The following TTC23L variants were observed in gnomAD, a reference collection of about 807,000 sequenced individuals.
The protein encoded by TTC23L is tetratricopeptide repeat protein 23-like.
TTC23L carries 42 observed loss-of-function variants against 48.1 expected under a neutral mutation model. The ratio of observed to expected loss-of-function variants is 0.87; its 90% CI spans 0.68 to 1.13. The LOEUF is 1.13. Among genes scored for constraint, TTC23L ranks in the 50% most tolerant of loss-of-function variants. The pLI is 0.00. For synonymous variants in TTC23L, 159 were observed against 157.2 expected, an observed-to-expected ratio of 1.01 and a Z score of -0.09; for missense variants, 391 against 421.0, an observed-to-expected ratio of 0.93 and a Z score of 0.62.
At chr5:34,860,251 TAC>T (rs749354457) in intron 4 of TTC23L, among the ~76,000 whole-genome samples, 2 of 152,180 alleles carry the variant, frequency 1.3e-5, no homozygotes, top group Non-Finnish European at 2.9e-5. Flanking sequence ...CACACATACA[TAC>T]ACACACTTGC....
chr5:34,849,972 G>A (rs1759530994), intron 3 of TTC23L, among the ~76,000 whole-genome samples: 1 of 152,168 alleles, frequency 6.6e-6, no homozygotes, highest in African/African-American at 2.4e-5. Context: ...GCCTGGACTA[G>A]GTACTCATGG....
At chr5:34,883,652 T>G (rs1762379891) in intron 9 of TTC23L, 1 of 152,214 alleles carries the variant, frequency 6.6e-6, no homozygotes, top group Non-Finnish European at 1.5e-5. Context: ...TAATTATATG[T>G]CAACAAATTG....
intron 4 of TTC23L, among the ~76,000 whole-genome samples, chr5:34,852,853 A>G (rs932210388): frequency 9.9e-5 from 15 of 152,178 alleles, no homozygotes; most frequent in African/African-American, 3.4e-4. Context: ...AGGCCTCACA[A>G]TCATGATGGA....
intron 7 of TTC23L, chr5:34,868,689 C>T (rs568078799): frequency 1.3e-5 from 6 of 469,322 alleles, no homozygotes; most frequent in South Asian, 9.4e-5. Flanking sequence ...GTGATGAGCA[C>T]CGTGCCCTGT....
At chr5:34,911,954 G>A in the TTC23L span, 2 of 992,014 alleles carry the variant, frequency 2.0e-6, no homozygotes, top group Middle Eastern at 2.2e-4. Flanking sequence ...AAAAAGGGAT[G>A]ACATCTTCCC....
At chr5:34,872,969 A>G (rs1413770435) in intron 8 of TTC23L, among the ~76,000 whole-genome samples, 1 of 151,982 alleles carries the variant, frequency 6.6e-6, no homozygotes, top group Non-Finnish European at 1.5e-5. Context: ...AGGCTGAGAC[A>G]GGAGACTTGC....
At chr5:34,909,317 G>A in the TTC23L span, 1 of 1,611,296 alleles carries the variant, frequency 6.2e-7, no homozygotes, top group Non-Finnish European at 8.5e-7. Context: ...CTTTGGGATA[G>A]TCAAGGTGGG....
At chr5:34,901,136 A>G (rs1763499156), downstream of TTC23L, among the ~76,000 whole-genome samples, 1 of 152,198 alleles carries the variant, frequency 6.6e-6, no homozygotes, top group Non-Finnish European at 1.5e-5. Context: ...TAGTATATAC[A>G]TATATTTTAT....
At chr5:34,923,077 C>T in the TTC23L span, 2 of 1,572,956 alleles carry the variant, frequency 1.3e-6, no homozygotes, top group South Asian at 2.2e-5. Flanking sequence ...ATTAGCTATC[C>T]AAAATATACA....
intron 10 of TTC23L, among the ~76,000 whole-genome samples, chr5:34,898,302 G>A (rs1239752575): frequency 2.0e-5 from 3 of 152,158 alleles, no homozygotes; most frequent in Non-Finnish European, 4.4e-5. Flanking sequence ...AAAATATTTT[G>A]CTGGTTAACA....
chr5:34,910,845 C>G, the TTC23L span, among the ~76,000 whole-genome samples: 1 of 152,120 alleles, frequency 6.6e-6, no homozygotes, highest in Non-Finnish European at 1.5e-5. Flanking sequence ...TATTTAGATC[C>G]TCTCTCTAAA....
intron 9 of TTC23L, among the ~76,000 whole-genome samples, chr5:34,891,694 C>T (rs1435748219): frequency 6.6e-6 from 1 of 152,096 alleles, no homozygotes; most frequent in African/African-American, 2.4e-5. Context: ...CATGATGTTT[C>T]CTCAAAACTG....
At chr5:34,906,651 T>TA in the TTC23L span, 7 of 151,810 alleles carry the variant, frequency 4.6e-5, no homozygotes, top group Non-Finnish European at 8.8e-5. Flanking sequence ...AAAATAAAAA[T>TA]AAAAAAACTG....
chr5:34,888,486 G>A (rs1216800435), intron 9 of TTC23L: 1 of 985,060 alleles, frequency 1.0e-6, no homozygotes, highest in African/African-American at 1.8e-5. Flanking sequence ...GTATATGGAG[G>A]TGAACACAGT....
At chr5:34,897,202 C>G (rs1181874562) in intron 10 of TTC23L, among the ~76,000 whole-genome samples, 3 of 151,682 alleles carry the variant, frequency 2.0e-5, no homozygotes, top group Non-Finnish European at 4.4e-5. Flanking sequence ...CTGGGAAACA[C>G]AGTGAAACCC....
downstream of TTC23L, among the ~76,000 whole-genome samples, chr5:34,902,192 G>A (rs564911410): frequency 1.3e-5 from 2 of 152,164 alleles, no homozygotes; most frequent in Non-Finnish European, 2.9e-5. Context: ...GGGAGGCTGA[G>A]GCAGGGGGAT....
chr5:34,852,808 G>T (rs527325207), intron 4 of TTC23L, among the ~76,000 whole-genome samples: 1 of 152,254 alleles, frequency 6.6e-6, no homozygotes, highest in East Asian at 1.9e-4. Flanking sequence ...TAAAGAAAAA[G>T]AGGTTTATGG....
downstream of TTC23L, among the ~76,000 whole-genome samples, chr5:34,902,795 G>A (rs1763540599): frequency 6.6e-6 from 1 of 151,990 alleles, no homozygotes; most frequent in Admixed American, 6.6e-5. Flanking sequence ...CCTTCTCTGT[G>A]GTGCTTATTA....
At chr5:34,875,609 A>C (rs1761780035) in intron 8 of TTC23L, among the ~76,000 whole-genome samples, 1 of 152,072 alleles carries the variant, frequency 6.6e-6, no homozygotes, top group South Asian at 2.1e-4. Context: ...CACTGTCTCT[A>C]ATGTTAATCT....
Sources: allele counts gnomAD v4.1 joint callset (sites outside exome capture counted in the v4.1 genomes callset), GRCh38; gene constraint gnomAD v4.1.1; transcripts MANE v1.5; gene names NCBI Gene and HGNC (gene_info 2026-07-23, HGNC 2026-07-21).